HAS2: variants seen among roughly 807,000 people sequenced by gnomAD.
HAS2 encodes the protein HA synthase 2.
A neutral mutation model predicts 51.6 loss-of-function variants in HAS2; 16 were observed. The observed-to-expected ratio is 0.31, with a 90% CI of 0.21 to 0.47. HAS2 has a LOEUF of 0.47. Ranked by LOEUF, HAS2 falls within the 20% of genes least tolerant of loss-of-function variation. The probability of loss-of-function intolerance (pLI) is 1.00; values close to 1 mark genes in which losing one functional copy is unlikely to be tolerated. For synonymous variants in HAS2, 228 were observed against 235.5 expected, an observed-to-expected ratio of 0.97 and a Z score of 0.29; for missense variants, 361 against 662.6, an observed-to-expected ratio of 0.54 and a Z score of 5.00.
At position 121,641,107 on chromosome 8, in the gene HAS2, A is replaced by T. The variant is rs1036680604; in HGVS notation, c.-255T>A. ...TCCGTTGCACTTCAGTCTAATTCTT[A>T]AAAAAATTATGCTTTAAAAATAAAT... On this transcript the variant is annotated 5_prime_UTR_variant, in exon 1 of 4. Coordinates refer to ENST00000303924, the MANE Select transcript of HAS2 (RefSeq NM_005328.3). 1.3e-5 allele frequency: 2 copies of T among 151,210 alleles called. No homozygotes were observed. The highest frequency in any genetic ancestry group is 6.6e-5 in the Admixed American group (1 of 15,184). 9.4% of individuals were successfully genotyped at this position (151,210 alleles called of 1,614,324 possible).
rs1257218573 is a variant in HAS2 at position 121,614,583 on chromosome 8, G to A, written c.1185C>T (p.Ile395=). 1.2e-6 allele frequency: 2 copies of A among 1,613,742 alleles called. No homozygotes were observed. Among genetic ancestry groups the A allele is most frequent in the African/African-American group, 2.7e-5 (2 of 74,912 alleles). ...FFPFFLIATV[I]QLFYRGKIWN... The stretch of plus-strand genomic sequence containing the variant: ...AAATTTTACCCCGGTAGAAGAGCTG[G>A]ATTACTGTGGCAATGAGAAAGAAAG... Residue 395 remains isoleucine, a synonymous_variant, in exon 4 of 4, where the codon ATC becomes ATT. Transcript: ENST00000303924. This position sits in a 1 kb window ranked among gnomAD's most constrained non-coding sequence, Gnocchi z 7.2.
At chr8:121,640,638 C>A (rs1270313320) in intron 1 of HAS2, among the ~76,000 whole-genome samples, 1 of 152,088 alleles carries the variant, frequency 6.6e-6, no homozygotes, top group African/African-American at 2.4e-5. Context: ...GGATTTCTGG[C>A]GAGAGCCGCA....
At chr8:121,622,819 T>G (rs1416934051) in intron 2 of HAS2, among the ~76,000 whole-genome samples, 1 of 152,106 alleles carries the variant, frequency 6.6e-6, no homozygotes, top group Non-Finnish European at 1.5e-5. Flanking sequence ...GAATTCTAGA[T>G]GAATAGAATT....
Position 121,613,228 on chromosome 8 carries a change from C to A in HAS2, c.*881G>T, listed in dbSNP as rs1415058797. On this transcript the variant is annotated 3_prime_UTR_variant, in exon 4 of 4. Coordinates refer to ENST00000303924, the MANE Select transcript of HAS2 (RefSeq NM_005328.3). ...AAATCTTAATGAAAAAATTGCACTA[C>A]CTTTGGCCTTGATTTTCAACGATTT... 2 of 152,006 alleles carry A rather than the reference C, an allele frequency of 1.3e-5. No individual in the cohort carries two copies. The highest frequency in any genetic ancestry group is 2.9e-5 in the Non-Finnish European group (2 of 67,980). 9.4% of individuals were successfully genotyped at this position (152,006 alleles called of 1,614,324 possible).
At chr8:121,640,718 T>C (rs1026253011) in intron 1 of HAS2, 135 bp downstream of exon 1, 10 of 152,196 alleles carry the variant, frequency 6.6e-5, no homozygotes, top group Non-Finnish European at 1.3e-4. Context: ...CTTCAGTCTG[T>C]TGGAAATTTT....
At chr8:121,617,230 G>C (rs1426676690) in intron 2 of HAS2, 24 bp from the exon 3 acceptor site, 1 of 1,404,678 alleles carries the variant, frequency 7.1e-7, no homozygotes, top group African/African-American at 1.4e-5. Context: ...AATGAAAAAT[G>C]AGTTAAAGAA....
intron 2 of HAS2, among the ~76,000 whole-genome samples, chr8:121,622,480 G>A (rs1464451175): frequency 6.6e-6 from 1 of 151,974 alleles, no homozygotes; most frequent in African/African-American, 2.4e-5. Context: ...TCATAAGTTT[G>A]TTGTAATTAA....
At chr8:121,633,491 C>A (rs1325325363) in intron 1 of HAS2, among the ~76,000 whole-genome samples, 1 of 152,144 alleles carries the variant, frequency 6.6e-6, no homozygotes, top group African/African-American at 2.4e-5. Context: ...TTGGCACTCA[C>A]TCAAGTACAG....
chr8:121,622,522 G>A (rs1812786923), intron 2 of HAS2, among the ~76,000 whole-genome samples: 1 of 152,046 alleles, frequency 6.6e-6, no homozygotes. Context: ...ATGTAAAGCT[G>A]TTAGTAATGG....
At chr8:121,622,082 G>A (rs1056244578) in intron 2 of HAS2, among the ~76,000 whole-genome samples, 48 of 152,066 alleles carry the variant, frequency 3.2e-4, no homozygotes, top group African/African-American at 1.0e-3. Context: ...TTCACCCAAT[G>A]AGACTATCTC....
chr8:121,630,002 T>C (rs1216901794), intron 1 of HAS2, among the ~76,000 whole-genome samples: 6 of 152,134 alleles, frequency 3.9e-5, no homozygotes, highest in Admixed American at 3.9e-4. Context: ...TAGAATTGAG[T>C]ATTTTTGAAG....
chr8:121,633,670 G>A (rs183238629), intron 1 of HAS2, among the ~76,000 whole-genome samples: 52 of 152,292 alleles, frequency 3.4e-4, no homozygotes, highest in African/African-American at 1.2e-3. Flanking sequence ...CCATAAAAAA[G>A]GCACTAGTGT....
chr8:121,615,473 C>T (rs2130431431), intron 3 of HAS2, among the ~76,000 whole-genome samples: 1 of 152,142 alleles, frequency 6.6e-6, no homozygotes, highest in South Asian at 2.1e-4. Context: ...TACAGGTGCG[C>T]GCCACCAGGC....
chr8:121,615,142 T>C, intron 3 of HAS2, 104 bp from the exon 4 acceptor site: 1 of 750,078 alleles, frequency 1.3e-6, no homozygotes, highest in East Asian at 2.7e-5. Context: ...TGTTATTTTA[T>C]CCTCCCATTT....
At chr8:121,620,746 C>T (rs1050608938) in intron 2 of HAS2, among the ~76,000 whole-genome samples, 9 of 152,110 alleles carry the variant, frequency 5.9e-5, no homozygotes, top group African/African-American at 1.7e-4. Context: ...CCATTTCCCC[C>T]CTATCTAAAA....
At chr8:121,628,646 G>T in intron 2 of HAS2, 68 bp downstream of exon 2, 4 of 1,428,978 alleles carry the variant, frequency 2.8e-6, no homozygotes, top group South Asian at 2.6e-5. Flanking sequence ...TATAGCATAT[G>T]ACTGGACAGA....
intron 1 of HAS2, among the ~76,000 whole-genome samples, chr8:121,638,971 T>TA (rs1235407359): frequency 6.6e-6 from 1 of 152,224 alleles, no homozygotes; most frequent in Admixed American, 6.5e-5. Context: ...ATCGTGTATG[T>TA]AAATATGTGT....
chr8:121,635,695 A>C (rs2130452459), intron 1 of HAS2, among the ~76,000 whole-genome samples: 1 of 152,362 alleles, frequency 6.6e-6, no homozygotes, highest in Admixed American at 6.5e-5. Flanking sequence ...CTGAAGTCTA[A>C]GTTCAGTGTC....
At position 121,628,822 on chromosome 8, in the gene HAS2, T is replaced by C. The variant is rs758755214; in HGVS notation, c.519A>G (p.Gln173=). ...SHKESSQHVT[Q]LVLSNKSICI... ...AGATACTTTTGTTGGACAAGACCAA[T>C]TGCGTTACGTGTTGCGAGCTTTCTT... The change falls in exon 2 of 4, where the codon CAA becomes CAG. Residue 173 remains glutamine, a synonymous_variant. Transcript: ENST00000303924. The C allele has an allele frequency of 4.3e-6, 7 of 1,614,086 alleles. No homozygotes were observed. In the African/African-American group the frequency reaches 9.3e-5, roughly 22 times the overall value.
Sources: gnomAD v4.1 joint callset for allele counts (sites outside exome capture counted in the v4.1 genomes callset) on GRCh38, gnomAD v4.1.1 for gene constraint, Gnocchi (gnomAD v3.1) non-coding constraint, MANE v1.5 for transcripts, NCBI Gene and HGNC (gene_info 2026-07-23, HGNC 2026-07-21) for gene names.